The following PDE7B variants were observed in gnomAD, a reference collection of about 807,000 sequenced individuals.
The protein encoded by PDE7B is phosphodiesterase 7B.
In PDE7B, 29 loss-of-function variants were observed where a neutral mutation model predicts 56.2. The observed-to-expected ratio is 0.52, with a 90% CI of 0.38 to 0.70. The LOEUF is 0.70. Ranked by LOEUF, PDE7B falls within the 30% of genes least tolerant of loss-of-function variation. The probability of loss-of-function intolerance (pLI) is 0.00; values close to 1 mark genes in which losing one functional copy is unlikely to be tolerated. For missense variants in PDE7B, 490 were observed against 565.0 expected (o/e 0.87, Z 1.35); for synonymous variants, 197 against 196.9 (o/e 1.00, Z 0.00).
At chr6:136,005,147 C>A (rs1404685979) in intron 2 of PDE7B, among the ~76,000 whole-genome samples, 2 of 151,938 alleles carry the variant, frequency 1.3e-5, no homozygotes, top group African/African-American at 4.8e-5. Context: ...AACTGGCTAG[C>A]CATATGTAGA....
At chr6:136,011,838 A>T (rs1267448710) in intron 2 of PDE7B, among the ~76,000 whole-genome samples, 1 of 152,178 alleles carries the variant, frequency 6.6e-6, no homozygotes, top group Admixed American at 6.5e-5. Flanking sequence ...AACAAAAAAA[A>T]AGGAGAAGTT....
chr6:136,146,295 G>A (rs539657604), intron 3 of PDE7B, among the ~76,000 whole-genome samples: 36 of 152,326 alleles, frequency 2.4e-4, no homozygotes, highest in South Asian at 1.9e-3. Flanking sequence ...TGGCCTTAGA[G>A]TGATTCATAT....
intron 3 of PDE7B, among the ~76,000 whole-genome samples, chr6:136,129,079 G>C (rs1778071998): frequency 6.6e-6 from 1 of 152,164 alleles, no homozygotes; most frequent in Non-Finnish European, 1.5e-5. Flanking sequence ...GACTGGAGCT[G>C]TCCTTACACA....
intron 9 of PDE7B, among the ~76,000 whole-genome samples, chr6:136,175,848 A>G (rs1778968349): frequency 2.0e-5 from 3 of 152,258 alleles, no homozygotes; most frequent in Admixed American, 2.0e-4. Context: ...TATATTATCC[A>G]GTTGTTCTTC....
At chr6:135,947,556 G>A in intron 2 of PDE7B, 32 bp downstream of exon 2, 1 of 1,464,126 alleles carries the variant, frequency 6.8e-7, no homozygotes, top group South Asian at 1.1e-5. Flanking sequence ...AATATATTAA[G>A]CATGTTGATG....
chr6:135,859,794 ATT>A (rs892493383), intron 1 of PDE7B, among the ~76,000 whole-genome samples: 1 of 151,996 alleles, frequency 6.6e-6, no homozygotes, highest in Non-Finnish European at 1.5e-5. Flanking sequence ...TTTAAAATAT[ATT>A]GTCTCCTTTA....
At chr6:136,023,949 C>T (rs1352839416) in intron 2 of PDE7B, among the ~76,000 whole-genome samples, 4 of 152,020 alleles carry the variant, frequency 2.6e-5, no homozygotes, top group African/African-American at 9.7e-5. Flanking sequence ...TATTTAGCAA[C>T]CAGGAGCAGG....
intron 2 of PDE7B, among the ~76,000 whole-genome samples, chr6:136,087,073 T>C (rs530398912): frequency 1.3e-5 from 2 of 152,344 alleles, no homozygotes; most frequent in African/African-American, 4.8e-5. Flanking sequence ...TCTTCCTTCA[T>C]AGGTTGGTTA....
intron 1 of PDE7B, among the ~76,000 whole-genome samples, chr6:135,906,813 T>TTTTTTTTTTGTTTTTTTTTG (rs1776116108): frequency 1.8e-5 from 2 of 109,294 alleles, no homozygotes; most frequent in Non-Finnish European, 3.5e-5. Context: ...GAGGTTTGTT[T>TTTTTTTTTTGTTTTTTTTTG]TTTTTTTTTT....
Position 135,893,523 on chromosome 6 carries a change from G to A in PDE7B, c.21+41504G>A, listed in dbSNP as rs533958423. On this transcript the variant is annotated intron_variant, in intron 1 of 12. Coordinates refer to ENST00000308191, the MANE Select transcript of PDE7B (RefSeq NM_018945.4). ...TTGCTATTGTGAATAGCAGGTGCTGGAGAGGATGTGGAGAAATAGGAACAC... is the reference window on the plus strand; with the variant it reads ...TTGCTATTGTGAATAGCAGGTGCTGAAGAGGATGTGGAGAAATAGGAACAC... Among the ~76,000 whole-genome samples the A allele has an allele frequency of 7.9e-5, 12 of 152,202 alleles. No individual in the cohort carries two copies. In the South Asian group the frequency reaches 2.3e-3, roughly 29 times the overall value.
intron 2 of PDE7B, among the ~76,000 whole-genome samples, chr6:135,949,497 T>C (rs1453216301): frequency 6.6e-6 from 1 of 152,100 alleles, no homozygotes; most frequent in Non-Finnish European, 1.5e-5. Flanking sequence ...TGCATTTATA[T>C]AAATCAGTTT....
At chr6:135,941,319 G>C (rs1462552639) in intron 1 of PDE7B, among the ~76,000 whole-genome samples, 1 of 152,140 alleles carries the variant, frequency 6.6e-6, no homozygotes, top group African/African-American at 2.4e-5. Flanking sequence ...GGTTGATTTT[G>C]TTTTAACATG....
intron 1 of PDE7B, among the ~76,000 whole-genome samples, chr6:135,918,685 T>G (rs1583769519): frequency 6.6e-6 from 1 of 152,190 alleles, no homozygotes; most frequent in East Asian, 1.9e-4. Flanking sequence ...TAAAGCAAGT[T>G]TACTTTTTTA....
intron 2 of PDE7B, among the ~76,000 whole-genome samples, chr6:136,059,025 G>C (rs772451367): frequency 6.6e-6 from 1 of 152,192 alleles, no homozygotes; most frequent in Admixed American, 6.5e-5. Context: ...CATGAATTAT[G>C]AATGAGTCAG....
chr6:135,970,826 G>T (rs551443455), intron 2 of PDE7B, among the ~76,000 whole-genome samples: 1 of 152,246 alleles, frequency 6.6e-6, no homozygotes, highest in East Asian at 1.9e-4. Context: ...GCAGCGAGAC[G>T]TTTGGATCCA....
chr6:135,901,075 A>C (rs1775991509), intron 1 of PDE7B, among the ~76,000 whole-genome samples: 1 of 152,194 alleles, frequency 6.6e-6, no homozygotes, highest in East Asian at 1.9e-4. Context: ...CGTTTAACGA[A>C]GAAATTAAAG....
intron 2 of PDE7B, among the ~76,000 whole-genome samples, chr6:136,007,272 A>T (rs1202307576): frequency 1.3e-5 from 2 of 152,082 alleles, no homozygotes; most frequent in Non-Finnish European, 2.9e-5. Context: ...CTTGATTATG[A>T]TGGATTAGCC....
intron 2 of PDE7B, chr6:136,096,169 C>T (rs1434714523): frequency 1.3e-5 from 2 of 152,238 alleles, no homozygotes; most frequent in African/African-American, 4.8e-5. Context: ...TTGACTGGTC[C>T]TTCTCTGGTC....
intron 1 of PDE7B, among the ~76,000 whole-genome samples, chr6:135,914,876 C>T (rs547076511): frequency 7.9e-5 from 12 of 151,122 alleles, no homozygotes; most frequent in African/African-American, 2.7e-4. Context: ...GGGCAGATCA[C>T]GAGGTCAGGA....
Sources: gnomAD v4.1 joint callset for allele counts (sites outside exome capture counted in the v4.1 genomes callset) on GRCh38, gnomAD v4.1.1 for gene constraint, MANE v1.5 for transcripts, NCBI Gene and HGNC (gene_info 2026-07-23, HGNC 2026-07-21) for gene names.